Variants in HECW2 observed in about 807,000 individuals in gnomAD.
HECW2 encodes HECT, C2 and WW domain containing E3 ubiquitin protein ligase 2.
In HECW2, 61 loss-of-function variants were observed where a neutral mutation model predicts 175.2. That is an observed-to-expected ratio of 0.35 (90% CI 0.28 to 0.43). HECW2 has a LOEUF of 0.43. HECW2 is among the 20% of genes least tolerant of loss of function. The pLI, the probability that HECW2 is intolerant of heterozygous loss-of-function variation, is 1.00. For missense variants in HECW2, 1,524 were observed against 2,000.5 expected, an observed-to-expected ratio of 0.76 and a Z score of 4.54; for synonymous variants, 671 against 731.0, an observed-to-expected ratio of 0.92 and a Z score of 1.32.
At chr2:196,317,751 T>C (rs537297750) in intron 9 of HECW2, among the ~76,000 whole-genome samples, 3 of 152,164 alleles carry the variant, frequency 2.0e-5, no homozygotes, top group African/African-American at 7.2e-5. Context: ...GAAAAATACA[T>C]TACAGAAAAA....
chr2:196,208,646 G>T (rs2105779672), intron 28 of HECW2, among the ~76,000 whole-genome samples: 1 of 152,290 alleles, frequency 6.6e-6, no homozygotes, highest in East Asian at 1.9e-4. Flanking sequence ...CCGAGTCTTG[G>T]GGACAAGAAA....
intron 9 of HECW2, among the ~76,000 whole-genome samples, 161 bp from the exon 10 acceptor site, chr2:196,317,530 G>A (rs968161988): frequency 3.3e-5 from 5 of 152,090 alleles, no homozygotes; most frequent in Admixed American, 2.6e-4. Context: ...AGAATAGGAG[G>A]TGAATGCTTA....
At position 196,343,640 on chromosome 2, in the gene HECW2, C is replaced by T; in HGVS notation, c.400+17G>A. 2.7e-6 allele frequency: 4 copies of T among 1,483,164 alleles called. No individual in the cohort carries two copies. The highest frequency in any genetic ancestry group is 3.8e-6 in the Non-Finnish European group (4 of 1,062,230). The allele number at this position is 1,483,164 out of a possible 1,614,324, so 91.9% of individuals were successfully genotyped here. Reference sequence around the variant, plus strand: ...AATGTTCAATAATAAGTTTATATTTCACACTTAGTTACTTACGTTCCATGA... The same window carrying T: ...AATGTTCAATAATAAGTTTATATTTTACACTTAGTTACTTACGTTCCATGA... On this transcript the variant is annotated intron_variant, in intron 3 of 28. Coordinates refer to ENST00000644978, the MANE Select transcript of HECW2 (RefSeq NM_001348768.2).
intron 9 of HECW2, 101 bp downstream of exon 9, chr2:196,318,451 T>C: frequency 7.7e-7 from 1 of 1,305,930 alleles, no homozygotes; most frequent in Admixed American, 3.0e-5. Context: ...ATTCAGGTCA[T>C]ATGTAACCTG....
intron 1 of HECW2, among the ~76,000 whole-genome samples, chr2:196,543,288 T>G (rs193149325): frequency 6.6e-6 from 1 of 151,192 alleles, no homozygotes; most frequent in East Asian, 1.9e-4. Context: ...ATATATATTT[T>G]TATATATATA....
intron 2 of HECW2, among the ~76,000 whole-genome samples, chr2:196,422,838 T>C (rs754691565): frequency 3.9e-5 from 6 of 152,168 alleles, no homozygotes; most frequent in Non-Finnish European, 8.8e-5. Flanking sequence ...CTCTTAACTA[T>C]ATTTGATAGC....
chr2:196,518,513 G>A (rs370814647), intron 1 of HECW2, among the ~76,000 whole-genome samples: 25 of 151,756 alleles, frequency 1.6e-4, no homozygotes, highest in African/African-American at 5.3e-4. Context: ...AAAATTAGCC[G>A]GGCATGGTGG....
intron 1 of HECW2, among the ~76,000 whole-genome samples, chr2:196,463,833 G>A (rs983205220): frequency 6.6e-6 from 1 of 152,106 alleles, no homozygotes; most frequent in Non-Finnish European, 1.5e-5. Context: ...CAGGGGCAAC[G>A]AGCCCAACTA....
intron 28 of HECW2, among the ~76,000 whole-genome samples, chr2:196,202,310 G>A (rs548122653): frequency 6.6e-6 from 1 of 152,254 alleles, no homozygotes; most frequent in African/African-American, 2.4e-5. Context: ...CTTTTACTCT[G>A]ATAAATCCCT....
chr2:196,363,500 G>A (rs1273719583), intron 2 of HECW2, among the ~76,000 whole-genome samples: 1 of 152,132 alleles, frequency 6.6e-6, no homozygotes. Flanking sequence ...TGGCCAATGG[G>A]TCCACAGTGG....
chr2:196,560,769 C>T (rs57894654), intron 1 of HECW2, among the ~76,000 whole-genome samples: 7,115 of 152,186 alleles, frequency 0.047, 196 homozygotes, highest in Middle Eastern at 0.11. Context: ...TTGCTGAAGC[C>T]GTGACAGAAG....
intron 2 of HECW2, among the ~76,000 whole-genome samples, chr2:196,348,712 T>A (rs1693055885): frequency 1.3e-5 from 2 of 152,270 alleles, no homozygotes; most frequent in Admixed American, 1.3e-4. Context: ...ATCCCCCACA[T>A]GTGTAATATA....
intron 1 of HECW2, among the ~76,000 whole-genome samples, chr2:196,574,247 T>C (rs1487844244): frequency 6.6e-6 from 1 of 152,022 alleles, no homozygotes; most frequent in Non-Finnish European, 1.5e-5. Flanking sequence ...CTGGCCAACA[T>C]GGTGAAACCC....
rs114183690 is a variant in HECW2, at chr2:196,217,381, T to G, written c.4409-288A>C. The G allele has an allele frequency of 7.0e-3, 2,036 of 291,896 alleles. 14 individuals are homozygous for G. The highest frequency in any genetic ancestry group is 0.011 in the Non-Finnish European group (1,736 of 156,886). The allele number at this position is 291,896 out of a possible 1,614,324, so 18.1% of individuals were successfully genotyped here. ...AAATGAGTTATTTTAACCATATCATTTCTGTAAAATACAACAGTTGTTACT... is the reference window on the plus strand; with the variant it reads ...AAATGAGTTATTTTAACCATATCATGTCTGTAAAATACAACAGTTGTTACT... On this transcript the variant is annotated intron_variant, in intron 26 of 28. Coordinates refer to ENST00000644978, the MANE Select transcript of HECW2 (RefSeq NM_001348768.2).
At chr2:196,229,730 A>G (rs1687981442) in intron 21 of HECW2, among the ~76,000 whole-genome samples, 1 of 152,228 alleles carries the variant, frequency 6.6e-6, no homozygotes, top group Non-Finnish European at 1.5e-5. Flanking sequence ...TACACAGAAC[A>G]GACTTCAATT....
chr2:196,324,062 A>C (rs1039939076), intron 6 of HECW2, among the ~76,000 whole-genome samples: 2 of 151,774 alleles, frequency 1.3e-5, no homozygotes, highest in African/African-American at 4.8e-5. Flanking sequence ...TCAGATAACT[A>C]TATCTTTTCT....
intron 28 of HECW2, among the ~76,000 whole-genome samples, chr2:196,214,844 T>C (rs1193363816): frequency 6.6e-6 from 1 of 152,226 alleles, no homozygotes; most frequent in Non-Finnish European, 1.5e-5. Context: ...CTCAGTTGCT[T>C]GTACTTAAAG....
At chr2:196,502,288 A>C (rs559526151) in intron 1 of HECW2, among the ~76,000 whole-genome samples, 1 of 152,308 alleles carries the variant, frequency 6.6e-6, no homozygotes, top group Admixed American at 6.5e-5. Context: ...TGTTTGTTCC[A>C]ACCTAATTGA....
At chr2:196,358,248 CAT>C (rs766201241) in intron 2 of HECW2, among the ~76,000 whole-genome samples, 10 of 152,110 alleles carry the variant, frequency 6.6e-5, no homozygotes, top group Non-Finnish European at 1.5e-4. Flanking sequence ...GTGAACCTGG[CAT>C]ATATCAGGAG....
Sources: allele counts gnomAD v4.1 joint callset (sites outside exome capture counted in the v4.1 genomes callset), GRCh38; gene constraint gnomAD v4.1.1; transcripts MANE v1.5; gene names NCBI Gene and HGNC (gene_info 2026-07-23, HGNC 2026-07-21).